The following FAM91A1 variants were observed in gnomAD, a reference collection of about 807,000 sequenced individuals.
FAM91A1 encodes protein FAM91A1.
FAM91A1 carries 41 observed loss-of-function variants against 113.5 expected under a neutral mutation model. The observed-to-expected ratio is 0.36, with a 90% CI of 0.28 to 0.47. The LOEUF is 0.47. Ranked by LOEUF, FAM91A1 falls within the 20% of genes least tolerant of loss-of-function variation. The pLI is 1.00. For missense variants in FAM91A1, 696 were observed against 1,001.2 expected, an observed-to-expected ratio of 0.70 and a Z score of 4.11; for synonymous variants, 307 against 347.9, an observed-to-expected ratio of 0.88 and a Z score of 1.31.
At chr8:123,809,912 G>A (rs1157378741) in intron 22 of FAM91A1, among the ~76,000 whole-genome samples, 1 of 152,144 alleles carries the variant, frequency 6.6e-6, no homozygotes, top group Non-Finnish European at 1.5e-5. Context: ...GTTGTCTTTT[G>A]CAATTACTTT....
At chr8:123,792,497 A>G (rs1815408488) in intron 15 of FAM91A1, among the ~76,000 whole-genome samples, 1 of 152,064 alleles carries the variant, frequency 6.6e-6, no homozygotes, top group South Asian at 2.1e-4. Flanking sequence ...CTTTAAAAGG[A>G]CATTGTTTAA....
intron 19 of FAM91A1, among the ~76,000 whole-genome samples, chr8:123,805,685 T>C (rs16898882): frequency 6.6e-6 from 1 of 152,152 alleles, no homozygotes; most frequent in South Asian, 2.1e-4. Context: ...AAAAAATAAT[T>C]GTTTACCTGG....
intron 8 of FAM91A1, among the ~76,000 whole-genome samples, chr8:123,781,282 T>C (rs1467585960): frequency 6.6e-6 from 1 of 152,180 alleles, no homozygotes; most frequent in Non-Finnish European, 1.5e-5. Context: ...TAATCAAATA[T>C]AAAGTGTCAA....
intron 21 of FAM91A1, 159 bp from the exon 22 acceptor site, chr8:123,808,734 C>T: frequency 1.6e-6 from 1 of 625,704 alleles, no homozygotes; most frequent in Non-Finnish European, 2.6e-6. Context: ...TTAACTGACC[C>T]CCTTCAATTT....
At chr8:123,798,271 T>A in intron 16 of FAM91A1, 33 bp downstream of exon 16, 1 of 1,607,320 alleles carries the variant, frequency 6.2e-7, no homozygotes. Flanking sequence ...CACTTGGTAG[T>A]GTCATGAGTC....
In FAM91A1 at chr8:123,787,762, T is replaced by C. The variant is rs556120300; in HGVS notation, c.1278+12T>C. 2 of 1,601,712 alleles carry C rather than the reference T, an allele frequency of 1.2e-6. No homozygotes were observed. Among genetic ancestry groups the C allele is most frequent in the South Asian group, 2.2e-5 (2 of 89,440 alleles). ...TAGAACTAGAAAAGGTAAATGTAGATTGCATGTAAGGGGATGTTAGGGCAT... is the reference window on the plus strand; with the variant it reads ...TAGAACTAGAAAAGGTAAATGTAGACTGCATGTAAGGGGATGTTAGGGCAT... On this transcript the variant is annotated intron_variant, in intron 14 of 23. Transcript: ENST00000334705.
Position 123,785,728 on chromosome 8 carries a change from G to A in FAM91A1, c.949G>A (p.Val317Ile), listed in dbSNP as rs757876509. 1.9e-6 allele frequency: 3 copies of A among 1,589,538 alleles called. No homozygotes were observed. The highest frequency in any genetic ancestry group is 2.3e-5 in the East Asian group (1 of 44,150). ...TTCATCATGGAAGAATGTTCCATCC[G>A]TAAACAGATTAAAGTAACTTAAATT... ...LHSSWKNVPS[V>I]NRLKSTLDPQ... The change falls in exon 11 of 24, where the codon GTA (valine) becomes ATA (isoleucine). Residue 317 changes from valine (V) to isoleucine (I), a missense_variant. By Grantham distance (29) the Val-to-Ile change is conservative (BLOSUM62 3). Coordinates refer to ENST00000334705, the MANE Select transcript of FAM91A1 (RefSeq NM_144963.4).
intron 15 of FAM91A1, among the ~76,000 whole-genome samples, chr8:123,793,531 G>C (rs936332294): frequency 3.3e-5 from 5 of 152,174 alleles, no homozygotes; most frequent in African/African-American, 1.2e-4. Flanking sequence ...TCGTGCCCCA[G>C]TTTTCTCAGA....
At chr8:123,777,751 G>T (rs1435722678) in intron 4 of FAM91A1, among the ~76,000 whole-genome samples, 1 of 152,206 alleles carries the variant, frequency 6.6e-6, no homozygotes, top group Non-Finnish European at 1.5e-5. Context: ...TGTTTAAGAA[G>T]CTTTCGCTGA....
rs557164357 is a variant in FAM91A1, at chr8:123,814,210, T to A, written c.*1506T>A. 2 of 378,360 alleles carry A rather than the reference T, an allele frequency of 5.3e-6. No homozygotes were observed. The highest frequency in any genetic ancestry group is 1.9e-4 in the East Asian group (2 of 10,486). 23.4% of individuals were successfully genotyped at this position (378,360 alleles called of 1,614,324 possible). A position where few individuals can be genotyped will look rare whatever the true frequency, so the allele number is the denominator to read the frequency against. On this transcript the variant is annotated 3_prime_UTR_variant, in exon 24 of 24. Coordinates refer to ENST00000334705, the MANE Select transcript of FAM91A1 (RefSeq NM_144963.4). Reference sequence around the variant, plus strand: ...TTATGTTTGTCTATAAAAGAAAAAATACTAATATTAAATAATTTCTTACGA... The same window carrying A: ...TTATGTTTGTCTATAAAAGAAAAAAAACTAATATTAAATAATTTCTTACGA...
chr8:123,794,005 A>G (rs931307602), intron 15 of FAM91A1, among the ~76,000 whole-genome samples: 1 of 152,190 alleles, frequency 6.6e-6, no homozygotes, highest in South Asian at 2.1e-4. Flanking sequence ...TAGGGTACAC[A>G]TTTCCAAATG....
chr8:123,806,562 A>G (rs970501588), intron 20 of FAM91A1, among the ~76,000 whole-genome samples: 2 of 152,142 alleles, frequency 1.3e-5, no homozygotes, highest in Admixed American at 6.6e-5. Context: ...AATTGACTTA[A>G]TAGTTTTTCC....
intron 14 of FAM91A1, among the ~76,000 whole-genome samples, chr8:123,788,820 A>G (rs1444955323): frequency 6.6e-6 from 1 of 152,054 alleles, no homozygotes; most frequent in Non-Finnish European, 1.5e-5. Context: ...TTTCATCACA[A>G]AGTCATTCTT....
intron 9 of FAM91A1, 62 bp from the exon 10 acceptor site, chr8:123,785,019 C>G: frequency 7.9e-7 from 1 of 1,272,694 alleles, no homozygotes; most frequent in Non-Finnish European, 1.1e-6. Flanking sequence ...TGGTCTATTA[C>G]AACTGTGTAA....
At chr8:123,776,981 A>G (rs1814999256) in intron 3 of FAM91A1, among the ~76,000 whole-genome samples, 1 of 152,208 alleles carries the variant, frequency 6.6e-6, no homozygotes, top group Admixed American at 6.5e-5. Context: ...TAATGGAGCC[A>G]TTACTTACAT....
At chr8:123,807,977 A>C (rs1188602699) in intron 20 of FAM91A1, among the ~76,000 whole-genome samples, 2 of 152,172 alleles carry the variant, frequency 1.3e-5, no homozygotes, top group African/African-American at 2.4e-5. Flanking sequence ...AGGGTTTCTC[A>C]ATCTCAGCAC....
At position 123,768,782 on chromosome 8, in the gene FAM91A1, C is replaced by A. The variant is rs1814769262; in HGVS notation, c.72+8C>A. ...CCGGCCAACGTGAGACAGGTACGGC[C>A]GGAACCTGGGACCGGGCCCCTGACG... On this transcript the variant is annotated splice_region_variant and intron_variant, in intron 1 of 23. Coordinates refer to ENST00000334705, the MANE Select transcript of FAM91A1 (RefSeq NM_144963.4). 1.2e-6 allele frequency: 2 copies of A among 1,610,268 alleles called. No individual in the cohort carries two copies. Among genetic ancestry groups the A allele is most frequent in the Admixed American group, 1.7e-5 (1 of 59,836 alleles).
Position 123,768,783 on chromosome 8 carries a change from G to A in FAM91A1, c.72+9G>A. 6.2e-7 allele frequency: 1 copy of A among 1,609,964 alleles called. No homozygotes were observed. The highest frequency in any genetic ancestry group is 8.5e-7 in the Non-Finnish European group (1 of 1,178,214). On this transcript the variant is annotated intron_variant, in intron 1 of 23. Coordinates refer to ENST00000334705, the MANE Select transcript of FAM91A1 (RefSeq NM_144963.4). Reference sequence around the variant, plus strand: ...CGGCCAACGTGAGACAGGTACGGCCGGAACCTGGGACCGGGCCCCTGACGG... The same window carrying A: ...CGGCCAACGTGAGACAGGTACGGCCAGAACCTGGGACCGGGCCCCTGACGG...
intron 15 of FAM91A1, among the ~76,000 whole-genome samples, chr8:123,796,727 G>A (rs1019976808): frequency 6.6e-6 from 1 of 150,562 alleles, no homozygotes; most frequent in South Asian, 2.1e-4. Context: ...AGAGTACTGG[G>A]ATTACAGGCA....
Sources: allele counts gnomAD v4.1 joint callset (sites outside exome capture counted in the v4.1 genomes callset), GRCh38; gene constraint gnomAD v4.1.1; transcripts MANE v1.5; gene names NCBI Gene and HGNC (gene_info 2026-07-23, HGNC 2026-07-21).